Variants in ANKFN1 observed in about 807,000 individuals in gnomAD.
ANKFN1 encodes ankyrin repeat and fibronectin type III domain containing 1.
ANKFN1 carries 74 observed loss-of-function variants against 108.7 expected under a neutral mutation model. The ratio of observed to expected loss-of-function variants is 0.68; its 90% CI spans 0.56 to 0.83. The LOEUF is 0.83. Among genes scored for constraint, ANKFN1 ranks in the 40% least tolerant of loss-of-function variants. ANKFN1 has a pLI of 0.00. For synonymous variants in ANKFN1, 547 were observed against 516.2 expected, an observed-to-expected ratio of 1.06 and a Z score of -0.81; for missense variants, 1,505 against 1,382.3, an observed-to-expected ratio of 1.09 and a Z score of -1.41.
chr17:56,390,407 A>G (rs1381488752), intron 8 of ANKFN1, among the ~76,000 whole-genome samples: 2 of 152,170 alleles, frequency 1.3e-5, no homozygotes, highest in Non-Finnish European at 2.9e-5. Context: ...ATAGTATTCC[A>G]TGGTGTATAT....
intron 1 of ANKFN1, among the ~76,000 whole-genome samples, chr17:56,159,033 C>CAAAAAAAAAAAAAAAAAAAAAAAAAAA: frequency 1.4e-5 from 1 of 71,012 alleles, no homozygotes; most frequent in Non-Finnish European, 2.5e-5. Context: ...TGGTCTAGGC[C>CAAAAAAAAAAAAAAAAAAAAAAAAAAA]AAAAAAAAAA....
At chr17:56,443,026 G>T (rs905133660) in intron 10 of ANKFN1, 93 bp downstream of exon 10, 1 of 1,238,814 alleles carries the variant, frequency 8.1e-7, no homozygotes, top group Non-Finnish European at 1.2e-6. Context: ...TTCCCCCACT[G>T]CTTGCAACCC....
chr17:56,403,917 A>G lies in ANKFN1; in HGVS notation c.910+29203A>G, dbSNP rs954348253. 3.9e-5 allele frequency among the ~76,000 whole-genome samples: 6 copies of G among 152,108 alleles called. No homozygotes were observed. In the East Asian group the frequency reaches 9.7e-4, roughly 25 times the overall value. On this transcript the variant is annotated intron_variant, in intron 8 of 20. Transcript: ENST00000682825. ...GAAAAAGACTGTATCTTTCCTTCAT[A>G]TATGATGCTTAGTTTTGCTGGATAC...
In ANKFN1 at chr17:56,511,096, C is replaced by G; in HGVS notation, c.3268C>G (p.Leu1090Val). ...GGACGCGAGGCCTTCCGTCCGCCGC[C>G]TCTACGTGGAGCCCTACGCAGCGGC... ...LQDARPSVRR[L>V]YVEPYAAAVV... The change falls in exon 21 of 21, where the codon CTC becomes GTC. Residue 1090 changes from leucine (L) to valine (V), a missense_variant. Coordinates refer to ENST00000682825, the MANE Select transcript of ANKFN1 (RefSeq NM_001370326.1). The G allele has an allele frequency of 6.5e-7, 1 of 1,536,028 alleles. No individual in the cohort carries two copies. The highest frequency in any genetic ancestry group is 8.7e-7 in the Non-Finnish European group (1 of 1,146,856).
At chr17:56,465,815 C>T (rs953366040) in intron 14 of ANKFN1, among the ~76,000 whole-genome samples, 1 of 152,108 alleles carries the variant, frequency 6.6e-6, no homozygotes, top group Non-Finnish European at 1.5e-5. Context: ...GCAGATAAGT[C>T]GAATCAGGCC....
chr17:56,467,156 A>G (rs1273343929), intron 15 of ANKFN1, among the ~76,000 whole-genome samples: 1 of 152,098 alleles, frequency 6.6e-6, no homozygotes, highest in Non-Finnish European at 1.5e-5. Flanking sequence ...ATAATTGAGT[A>G]GGGGATAGGG....
Position 56,350,902 on chromosome 17 carries a change from T to G in ANKFN1, c.325T>G (p.Ser109Ala). 1 of 1,613,844 alleles carries G rather than the reference T, an allele frequency of 6.2e-7. No individual in the cohort carries two copies. Among genetic ancestry groups the G allele is most frequent in the Non-Finnish European group, 8.5e-7 (1 of 1,179,882 alleles). ...CTCTGAGAAACTGAAAGGGAGCCAC[T>G]CTTCCTTCGATGAGGCCTATTTTAG... is the stretch of plus-strand genomic sequence containing the variant. ...NLSEKLKGSH[S>A]SFDEAYFRTR... Residue 109 changes from serine (S) to alanine (A), a missense_variant, in exon 5 of 21, where the codon TCT (serine) becomes GCT (alanine). By Grantham distance (99) the Ser-to-Ala change is moderately conservative (BLOSUM62 1). Transcript: ENST00000682825.
At position 56,392,271 on chromosome 17, in the gene ANKFN1, G is replaced by A. The variant is rs183385560; in HGVS notation, c.910+17557G>A. ...CGCATTGTTACGCAAGGGCCCATCA[G>A]TAACCACCAGCAAATCCTGGGCAAT... On this transcript the variant is annotated intron_variant, in intron 8 of 20. Transcript: ENST00000682825. 3.7e-3 allele frequency among the ~76,000 whole-genome samples: 565 copies of A among 152,298 alleles called. 2 individuals carry two copies. The highest frequency in any genetic ancestry group is 6.6e-3 in the Non-Finnish European group (448 of 68,020).
chr17:56,200,773 A>G (rs1913986847), intron 1 of ANKFN1, among the ~76,000 whole-genome samples: 2 of 152,228 alleles, frequency 1.3e-5, no homozygotes. Context: ...TAACATCTCA[A>G]GTAACCAGTG....
intron 4 of ANKFN1, among the ~76,000 whole-genome samples, chr17:56,064,110 T>G (rs1160540627): frequency 6.6e-6 from 1 of 152,098 alleles, no homozygotes; most frequent in Non-Finnish European, 1.5e-5. Flanking sequence ...CAAAGATGGG[T>G]GCGTACTCCT....
At chr17:56,280,986 T>A (rs2044066527) in intron 3 of ANKFN1, among the ~76,000 whole-genome samples, 1 of 152,142 alleles carries the variant, frequency 6.6e-6, no homozygotes, top group Non-Finnish European at 1.5e-5. Flanking sequence ...CTGCACAAGC[T>A]CTCTTCTCTT....
Position 56,066,493 on chromosome 17 carries a change from G to A in ANKFN1, c.288+20168G>A, listed in dbSNP as rs111538617. Among the ~76,000 whole-genome samples, 30 of 152,210 alleles carry A rather than the reference G, an allele frequency of 2.0e-4. 1 individual carries two copies. The highest frequency in any genetic ancestry group is 6.5e-4 in the Admixed American group (10 of 15,292). On this transcript the variant is annotated intron_variant, in intron 4 of 12. Transcript: ENST00000635860. ...ATCTGAATAGATTTGCATTGATTGC[G>A]TATTGAGGCAAAACTATTTTACATA...
At chr17:56,183,016 A>G (rs371623966) in intron 1 of ANKFN1, among the ~76,000 whole-genome samples, 4 of 152,206 alleles carry the variant, frequency 2.6e-5, no homozygotes, top group African/African-American at 9.6e-5. Flanking sequence ...CTATTGAAAC[A>G]TGCTGCTCAG....
chr17:56,065,460 C>CGAG (rs1460915213), intron 4 of ANKFN1, among the ~76,000 whole-genome samples: 1 of 152,132 alleles, frequency 6.6e-6, no homozygotes, highest in East Asian at 1.9e-4. Flanking sequence ...CAGCTTGGCA[C>CGAG]GAGAACTTAG....
chr17:56,133,071 A>G (rs947051292), intron 4 of ANKFN1, among the ~76,000 whole-genome samples: 2 of 152,186 alleles, frequency 1.3e-5, no homozygotes, highest in African/African-American at 4.8e-5. Context: ...ATTAAAAAAT[A>G]ACCATTCAGG....
chr17:56,111,670 A>G (rs1408673412), intron 4 of ANKFN1, among the ~76,000 whole-genome samples: 1 of 152,206 alleles, frequency 6.6e-6, no homozygotes, highest in Non-Finnish European at 1.5e-5. Context: ...AATTTGTTAA[A>G]TTACCTGTTT....
chr17:56,461,970 C>T (rs969514510), intron 14 of ANKFN1: 8 of 152,192 alleles, frequency 5.3e-5, no homozygotes, highest in African/African-American at 1.9e-4. Context: ...ACCGGAGAGC[C>T]TCATAGTCTT....
At chr17:56,276,402 T>TTC (rs2043935788) in intron 3 of ANKFN1, among the ~76,000 whole-genome samples, 1 of 152,166 alleles carries the variant, frequency 6.6e-6, no homozygotes, top group African/African-American at 2.4e-5. Flanking sequence ...GTATTTCTAG[T>TTC]TCTAGGTCCT....
At chr17:56,487,610 G>C (rs184642988) in intron 18 of ANKFN1, among the ~76,000 whole-genome samples, 41 of 152,218 alleles carry the variant, frequency 2.7e-4, no homozygotes, top group African/African-American at 7.9e-4. Context: ...TATATGCCAG[G>C]TACTGTGCTG....
Sources: allele counts gnomAD v4.1 joint callset (sites outside exome capture counted in the v4.1 genomes callset), GRCh38; gene constraint gnomAD v4.1.1; transcripts MANE v1.5; gene names NCBI Gene and HGNC (gene_info 2026-07-23, HGNC 2026-07-21).